GALNT17: variants seen among roughly 807,000 people sequenced by gnomAD.
The protein encoded by GALNT17 is UDP-GalNAc:polypeptide N-acetylgalactosaminyltransferase-like 3.
GALNT17 carries 29 observed loss-of-function variants against 63.7 expected under a neutral mutation model. The ratio of observed to expected loss-of-function variants is 0.46; its 90% CI spans 0.34 to 0.62. GALNT17 has a LOEUF of 0.62. Ranked by LOEUF, GALNT17 falls within the 20% of genes least tolerant of loss-of-function variation. The pLI is 0.01. For missense variants in GALNT17, 603 were observed against 799.6 expected (o/e 0.75, Z 2.97); for synonymous variants, 305 against 318.3 (o/e 0.96, Z 0.45).
At chr7:71,518,400 G>A (rs1426111903) in intron 5 of GALNT17, among the ~76,000 whole-genome samples, 1 of 152,144 alleles carries the variant, frequency 6.6e-6, no homozygotes, top group African/African-American at 2.4e-5. Flanking sequence ...CTTTCCCCAA[G>A]GAACTCTGGA....
chr7:71,502,551 A>G (rs1222626633), intron 5 of GALNT17, among the ~76,000 whole-genome samples: 1 of 152,188 alleles, frequency 6.6e-6, no homozygotes, highest in African/African-American at 2.4e-5. Flanking sequence ...GCCAACATGT[A>G]TGAAGGATGG....
chr7:71,680,941 C>T (rs995510569), intron 9 of GALNT17, among the ~76,000 whole-genome samples: 1 of 150,668 alleles, frequency 6.6e-6, no homozygotes, highest in African/African-American at 2.4e-5. Flanking sequence ...GCTGTGTTAC[C>T]CAGGCTGGAG....
At chr7:71,194,888 TG>T (rs968528623) in intron 1 of GALNT17, among the ~76,000 whole-genome samples, 5 of 152,172 alleles carry the variant, frequency 3.3e-5, no homozygotes, top group Non-Finnish European at 5.9e-5. Flanking sequence ...TTTAAGGAAA[TG>T]GGGGGACTGC....
chr7:71,172,321 G>T (rs1485900921), intron 1 of GALNT17, among the ~76,000 whole-genome samples: 1 of 151,934 alleles, frequency 6.6e-6, no homozygotes, highest in Admixed American at 6.6e-5. Context: ...AACCAGGCAT[G>T]GTATGTGCAC....
chr7:71,491,359 G>A lies in GALNT17; in HGVS notation c.962+70254G>A, dbSNP rs572686804. Among the ~76,000 whole-genome samples the A allele has an allele frequency of 4.6e-5, 7 of 152,126 alleles. No homozygotes were observed. In the East Asian group the frequency reaches 9.7e-4, roughly 21 times the overall value. ...AGCAGCCTTCATTTTTTCCTAGACA[G>A]GAATGTAAGAAGCAGGCACGACGCC... On this transcript the variant is annotated intron_variant, in intron 5 of 10. Transcript: ENST00000333538.
Position 71,489,157 on chromosome 7 carries a change from G to T in GALNT17, c.962+68052G>T, listed in dbSNP as rs546219360. ...GATCTGCCTGCCTCGACCTCCCAAA[G>T]TGTTGGGATTACAGGCATGAGCCAC... On this transcript the variant is annotated intron_variant, in intron 5 of 10. Coordinates refer to ENST00000333538, the MANE Select transcript of GALNT17 (RefSeq NM_022479.3). 2.6e-4 allele frequency among the ~76,000 whole-genome samples: 39 copies of T among 152,166 alleles called. 1 individual carries two copies. The South Asian group carries it at 8.1e-3, about 32-fold the overall frequency.
chr7:71,456,355 A>G (rs188377923), intron 5 of GALNT17, among the ~76,000 whole-genome samples: 188 of 152,252 alleles, frequency 1.2e-3, no homozygotes, highest in African/African-American at 4.4e-3. Flanking sequence ...TTCGAAAATC[A>G]AGTATTATAA....
At chr7:71,530,348 G>A (rs771371647) in intron 5 of GALNT17, among the ~76,000 whole-genome samples, 12 of 151,722 alleles carry the variant, frequency 7.9e-5, no homozygotes, top group Middle Eastern at 3.4e-3. Context: ...ACACACACAC[G>A]CACACACACA....
chr7:71,525,736 C>CTTTTTTTTTTTTTTTTTTTTTTTTTTTTT, intron 5 of GALNT17, among the ~76,000 whole-genome samples: 1 of 75,062 alleles, frequency 1.3e-5, no homozygotes, highest in Non-Finnish European at 2.5e-5. Flanking sequence ...TATGTCTTTT[C>CTTTTTTTTTTTTTTTTTTTTTTTTTTTTT]TTTTTTTTTT....
chr7:71,318,839 C>T (rs1791549045), intron 1 of GALNT17, among the ~76,000 whole-genome samples: 1 of 152,184 alleles, frequency 6.6e-6, no homozygotes, highest in Non-Finnish European at 1.5e-5. Context: ...CAGATCTTCT[C>T]CTCCCAAGAA....
intron 5 of GALNT17, among the ~76,000 whole-genome samples, chr7:71,446,592 A>C (rs969700244): frequency 2.0e-5 from 3 of 152,204 alleles, no homozygotes; most frequent in African/African-American, 4.8e-5. Context: ...CTAGTCGCCC[A>C]GGCTGGAGTG....
intron 1 of GALNT17, among the ~76,000 whole-genome samples, chr7:71,230,939 A>G (rs546837781): frequency 1.3e-5 from 2 of 152,168 alleles, no homozygotes; most frequent in African/African-American, 4.8e-5. Flanking sequence ...TGAATCAGAA[A>G]CTGTAGCGTG....
chr7:71,446,695 T>A (rs548134811), intron 5 of GALNT17, among the ~76,000 whole-genome samples: 1 of 152,296 alleles, frequency 6.6e-6, no homozygotes, highest in Non-Finnish European at 1.5e-5. Flanking sequence ...ATTACAGGCA[T>A]GTGCCACCAT....
chr7:71,240,793 T>C (rs2116466767), intron 1 of GALNT17, among the ~76,000 whole-genome samples: 1 of 151,878 alleles, frequency 6.6e-6, no homozygotes, highest in South Asian at 2.1e-4. Flanking sequence ...GCCTCCCGAG[T>C]TGCTGGGACT....
chr7:71,422,358 C>A (rs1242989472), intron 5 of GALNT17, among the ~76,000 whole-genome samples: 1 of 152,216 alleles, frequency 6.6e-6, no homozygotes, highest in East Asian at 1.9e-4. Context: ...TGGGACCATA[C>A]AAGAATCCAG....
At chr7:71,227,926 A>G (rs970571556) in intron 1 of GALNT17, among the ~76,000 whole-genome samples, 1 of 152,018 alleles carries the variant, frequency 6.6e-6, no homozygotes, top group African/African-American at 2.4e-5. Flanking sequence ...GCTAGGTGCT[A>G]TGTCGGTTTC....
Position 71,520,728 on chromosome 7 carries a change from G to T in GALNT17, c.963-50557G>T, listed in dbSNP as rs1584021933. Among the ~76,000 whole-genome samples the T allele has an allele frequency of 1.3e-5, 2 of 152,094 alleles. 1 individual carries two copies. The highest frequency in any genetic ancestry group is 4.1e-4 in the South Asian group (2 of 4,826). ...CTCTTTATTCTCCATCAGTGTGGTC[G>T]TTGGAAAGATTACTAGGCTTGAGGT... On this transcript the variant is annotated intron_variant, in intron 5 of 10. Transcript: ENST00000333538.
intron 1 of GALNT17, among the ~76,000 whole-genome samples, chr7:71,193,904 G>C (rs149897836): frequency 0.013 from 1,982 of 152,232 alleles, 22 homozygotes; most frequent in Non-Finnish European, 0.021. Context: ...ACTCTCTTTC[G>C]GGGCGTATTG....
At chr7:71,581,569 C>A (rs985595156) in intron 6 of GALNT17, among the ~76,000 whole-genome samples, 4 of 152,202 alleles carry the variant, frequency 2.6e-5, no homozygotes, top group Middle Eastern at 3.4e-3. Context: ...TCCTTCAACG[C>A]GTGGGGATTA....
Sources: gnomAD v4.1 joint callset for allele counts (sites outside exome capture counted in the v4.1 genomes callset) on GRCh38, gnomAD v4.1.1 for gene constraint, MANE v1.5 for transcripts, NCBI Gene and HGNC (gene_info 2026-07-23, HGNC 2026-07-21) for gene names.